The following GLIPR1L2 variants were observed in gnomAD, a reference collection of about 807,000 sequenced individuals.
GLIPR1L2 encodes GLIPR1 like 2.
Under a neutral mutation model 28.4 loss-of-function variants are expected in GLIPR1L2, and 21 were observed. The ratio of observed to expected loss-of-function variants is 0.74; its 90% CI spans 0.52 to 1.06. The LOEUF is 1.06. Among genes scored for constraint, GLIPR1L2 ranks in the 50% least tolerant of loss-of-function variants. The pLI, the probability that GLIPR1L2 is intolerant of heterozygous loss-of-function variation, is 0.00. For synonymous variants in GLIPR1L2, 145 were observed against 139.3 expected, an observed-to-expected ratio of 1.04 and a Z score of -0.29; for missense variants, 476 against 416.9, an observed-to-expected ratio of 1.14 and a Z score of -1.23.
At chr12:75,399,832 A>G (rs1224079394) in intron 1 of GLIPR1L2, among the ~76,000 whole-genome samples, 1 of 152,240 alleles carries the variant, frequency 6.6e-6, no homozygotes, top group Admixed American at 6.5e-5. Context: ...AAGCAAAATG[A>G]TATAGTCCTT....
intron 1 of GLIPR1L2, among the ~76,000 whole-genome samples, chr12:75,406,768 A>C (rs1205466500): frequency 1.4e-5 from 2 of 141,032 alleles, no homozygotes; most frequent in Non-Finnish European, 3.1e-5. Flanking sequence ...AAAAAAAAAA[A>C]AAAAAAGAGA....
At chr12:75,405,274 T>C (rs1356505496) in intron 1 of GLIPR1L2, among the ~76,000 whole-genome samples, 1 of 152,216 alleles carries the variant, frequency 6.6e-6, no homozygotes, top group Non-Finnish European at 1.5e-5. Flanking sequence ...ACTGCCACGA[T>C]TACTGCTTGA....
At chr12:75,409,963 T>C (rs942032944) in intron 1 of GLIPR1L2, among the ~76,000 whole-genome samples, 1 of 150,706 alleles carries the variant, frequency 6.6e-6, no homozygotes, top group Non-Finnish European at 1.5e-5. Flanking sequence ...AAAATATACA[T>C]AATTCTAATA....
chr12:75,428,923 G>A (rs918875489), intron 4 of GLIPR1L2, among the ~76,000 whole-genome samples: 40 of 152,346 alleles, frequency 2.6e-4, no homozygotes, highest in African/African-American at 8.2e-4. Context: ...GAGCCTTCAC[G>A]TAGATTTCAG....
chr12:75,430,025 T>C (rs977464559), intron 4 of GLIPR1L2, among the ~76,000 whole-genome samples: 2 of 146,294 alleles, frequency 1.4e-5, no homozygotes, highest in Non-Finnish European at 3.0e-5. Flanking sequence ...AACCTCCGCC[T>C]CCAGGGTTCA....
intron 4 of GLIPR1L2, among the ~76,000 whole-genome samples, chr12:75,427,009 TCAAA>T (rs1229892033): frequency 6.6e-6 from 1 of 151,294 alleles, no homozygotes; most frequent in African/African-American, 2.4e-5. Context: ...AGACTAAAAC[TCAAA>T]CAATCTGAGA....
chr12:75,423,073 T>A, intron 4 of GLIPR1L2, 84 bp downstream of exon 4: 1 of 1,602,644 alleles, frequency 6.2e-7, no homozygotes, highest in Non-Finnish European at 8.5e-7. Flanking sequence ...TTTTTTATGG[T>A]CATGTTAATA....
At position 75,432,423 on chromosome 12, in the gene GLIPR1L2, C is replaced by T. The variant is rs1470544332; in HGVS notation, c.*1262C>T. 6.6e-6 allele frequency: 1 copy of T among 151,908 alleles called. No homozygotes were observed. Among genetic ancestry groups the T allele is most frequent in the Non-Finnish European group, 1.5e-5 (1 of 67,988 alleles). The allele number at this position is 151,908 out of a possible 1,614,324, so 9.4% of individuals were successfully genotyped here. On this transcript the variant is annotated 3_prime_UTR_variant, in exon 6 of 6. Coordinates refer to ENST00000550916, the MANE Select transcript of GLIPR1L2 (RefSeq NM_001270396.2). ...GAAAGAAATGACATTGAAAGAATCA[C>T]TGCATATCTGATGTTTTCAAATAAA...
intron 2 of GLIPR1L2, among the ~76,000 whole-genome samples, chr12:75,411,209 A>C (rs756175884): frequency 4.6e-5 from 7 of 152,006 alleles, no homozygotes; most frequent in Non-Finnish European, 7.4e-5. Flanking sequence ...ATTGTTTAAC[A>C]ATAATTTATT....
Position 75,429,913 on chromosome 12 carries a change from C to CCTTTT in GLIPR1L2, c.671-782_671-778dup, listed in dbSNP as rs201000308. Among the ~76,000 whole-genome samples, 33 of 119,384 alleles carry CCTTTT rather than the reference C, an allele frequency of 2.8e-4. 1 individual carries two copies. The highest frequency in any genetic ancestry group is 6.0e-4 in the African/African-American group (21 of 34,832). The allele number at this position is 119,384 out of a possible 152,430, so 78.3% of individuals were successfully genotyped here. On this transcript the variant is annotated intron_variant, in intron 4 of 5. Transcript: ENST00000550916. ...TATGCAGAACTATGAGTCAATTAAACCTTTTCTTTTCTTTTCTTTTCTTTC... is the reference window on the plus strand; with the variant it reads ...TATGCAGAACTATGAGTCAATTAAACCTTTTCTTTTCTTTTCTTTTCTTTTCTTTC...
intron 1 of GLIPR1L2, 66 bp downstream of exon 1, chr12:75,391,416 G>T: frequency 3.1e-6 from 5 of 1,600,932 alleles, no homozygotes; most frequent in Non-Finnish European, 4.3e-6. Context: ...CTGGATCTCG[G>T]GTAGTTGGGG....
At chr12:75,408,267 T>G (rs879756829) in intron 1 of GLIPR1L2, among the ~76,000 whole-genome samples, 2 of 152,034 alleles carry the variant, frequency 1.3e-5, no homozygotes, top group Non-Finnish European at 2.9e-5. Flanking sequence ...CTCTTACAAT[T>G]TATTTGCACA....
chr12:75,421,703 G>A (rs970432599), intron 3 of GLIPR1L2, among the ~76,000 whole-genome samples: 3 of 151,880 alleles, frequency 2.0e-5, no homozygotes, highest in Non-Finnish European at 2.9e-5. Flanking sequence ...TTAGCTGTAG[G>A]CAATTGATGT....
intron 3 of GLIPR1L2, among the ~76,000 whole-genome samples, chr12:75,417,881 AT>A (rs1301593452): frequency 6.6e-6 from 1 of 152,130 alleles, no homozygotes; most frequent in African/African-American, 2.4e-5. Flanking sequence ...ATAAAACAAT[AT>A]TAATTCGATT....
At position 75,431,373 on chromosome 12, in the gene GLIPR1L2, G is replaced by T. The variant is rs569165169; in HGVS notation, c.*212G>T. The T allele has an allele frequency of 1.9e-4, 86 of 444,128 alleles. 1 individual carries two copies. The highest frequency in any genetic ancestry group is 1.1e-3 in the African/African-American group (55 of 49,744). 27.5% of individuals were successfully genotyped at this position (444,128 alleles called of 1,614,324 possible). A position where few individuals can be genotyped will look rare whatever the true frequency, so the allele number is the denominator to read the frequency against. ...AAAGAAACAAAAAACATGTAAGGTGGGCTCTTTGACACTAAGAACAGATAA... is the reference window on the plus strand; with the variant it reads ...AAAGAAACAAAAAACATGTAAGGTGTGCTCTTTGACACTAAGAACAGATAA... On this transcript the variant is annotated 3_prime_UTR_variant, in exon 6 of 6. Coordinates refer to ENST00000550916, the MANE Select transcript of GLIPR1L2 (RefSeq NM_001270396.2).
At position 75,427,028 on chromosome 12, in the gene GLIPR1L2, T is replaced by C. The variant is rs548402124; in HGVS notation, c.671-3687T>C. Among the ~76,000 whole-genome samples the C allele has an allele frequency of 9.1e-4, 138 of 151,990 alleles. 1 individual carries two copies. The highest frequency in any genetic ancestry group is 3.4e-4 in the Non-Finnish European group (23 of 67,974). ...TAAAACTCAAACAATCTGAGAGTTATAGTCACAAAAAAAAATACAAGAAAT... is the reference window on the plus strand; with the variant it reads ...TAAAACTCAAACAATCTGAGAGTTACAGTCACAAAAAAAAATACAAGAAAT... On this transcript the variant is annotated intron_variant, in intron 4 of 5. Coordinates refer to ENST00000550916, the MANE Select transcript of GLIPR1L2 (RefSeq NM_001270396.2).
At chr12:75,421,267 A>G (rs1417959655) in intron 3 of GLIPR1L2, among the ~76,000 whole-genome samples, 1 of 152,212 alleles carries the variant, frequency 6.6e-6, no homozygotes, top group Non-Finnish European at 1.5e-5. Flanking sequence ...AAATAGTTGG[A>G]TAATAGAACA....
chr12:75,405,996 GT>G (rs35050395), intron 1 of GLIPR1L2, among the ~76,000 whole-genome samples: 26,093 of 137,382 alleles, frequency 0.19, 2,338 homozygotes, highest in Admixed American at 0.25. Flanking sequence ...ATTGTCAAAA[GT>G]TTTTTTTTTT....
Position 75,410,697 on chromosome 12 carries a change from T to C in GLIPR1L2, c.480+18T>C. On this transcript the variant is annotated intron_variant, in intron 2 of 5. Transcript: ENST00000550916. ...ATATTCAGGTATGTAATTTTTATTTTGTTATTAATTCAAACACTTCTTAAT... is the reference window on the plus strand; with the variant it reads ...ATATTCAGGTATGTAATTTTTATTTCGTTATTAATTCAAACACTTCTTAAT... 1 of 1,546,288 alleles carries C rather than the reference T, an allele frequency of 6.5e-7. No homozygotes were observed. Among genetic ancestry groups the C allele is most frequent in the South Asian group, 1.2e-5 (1 of 83,366 alleles).
Sources: gnomAD v4.1 joint callset for allele counts (sites outside exome capture counted in the v4.1 genomes callset) on GRCh38, gnomAD v4.1.1 for gene constraint, MANE v1.5 for transcripts, NCBI Gene and HGNC (gene_info 2026-07-23, HGNC 2026-07-21) for gene names.